Variants in SUSD4 observed in about 807,000 individuals in gnomAD.
The protein encoded by SUSD4 is sushi domain containing 4, also known as sushi domain-containing protein 4.
SUSD4 carries 41 observed loss-of-function variants against 50.5 expected under a neutral mutation model. The ratio of observed to expected loss-of-function variants is 0.81; its 90% CI spans 0.63 to 1.05. The LOEUF (loss-of-function observed/expected upper bound fraction) is 1.05, where lower values mean the gene tolerates loss of function less well. Among genes scored for constraint, SUSD4 ranks in the 50% least tolerant of loss-of-function variants. The probability of loss-of-function intolerance (pLI) is 0.00; values close to 1 mark genes in which losing one functional copy is unlikely to be tolerated. For missense variants in SUSD4, 580 were observed against 634.7 expected (o/e 0.91, Z 0.93); for synonymous variants, 257 against 257.3 (o/e 1.00, Z 0.01).
In SUSD4 at chr1:223,310,134, T is replaced by C. The variant is rs373619280; in HGVS notation, c.149-17483A>G. Among the ~76,000 whole-genome samples, 6 of 152,174 alleles carry C rather than the reference T, an allele frequency of 3.9e-5. No individual in the cohort carries two copies. In the South Asian group the frequency reaches 8.3e-4, roughly 21 times the overall value. ...CTGGAGGGCCATTTCTCTCCCTAAGTTGGACAGCCCTGGGACAGTGCCTTT... is the reference window on the plus strand; with the variant it reads ...CTGGAGGGCCATTTCTCTCCCTAAGCTGGACAGCCCTGGGACAGTGCCTTT... On this transcript the variant is annotated intron_variant, in intron 2 of 8. Coordinates refer to ENST00000366878, the MANE Select transcript of SUSD4 (RefSeq NM_017982.4).
chr1:223,342,330 G>A (rs1407550911), intron 2 of SUSD4, among the ~76,000 whole-genome samples: 1 of 152,156 alleles, frequency 6.6e-6, no homozygotes, highest in Non-Finnish European at 1.5e-5. Flanking sequence ...TAAAATAATG[G>A]AGAGGGTTGC....
At chr1:223,333,853 A>T (rs1667311845) in intron 2 of SUSD4, among the ~76,000 whole-genome samples, 1 of 152,108 alleles carries the variant, frequency 6.6e-6, no homozygotes. Context: ...GGACAGGTTC[A>T]CTCTGTGGAA....
chr1:223,284,672 A>C (rs979261010), intron 3 of SUSD4, among the ~76,000 whole-genome samples: 4 of 152,228 alleles, frequency 2.6e-5, no homozygotes, highest in African/African-American at 9.6e-5. Flanking sequence ...GATACTATTC[A>C]TCCATAAAAA....
At position 223,223,411 on chromosome 1, in the gene SUSD4, C is replaced by T. The variant is rs758545802; in HGVS notation, c.1282G>A (p.Glu428Lys). The change falls in exon 8 of 9, where the codon GAA becomes AAA. Residue 428 changes from glutamate (E) to lysine (K), a missense_variant. Transcript: ENST00000366878. ...GDTDTGPGES[E>K]TCDSVSGSSE... The stretch of plus-strand genomic sequence containing the variant: ...GAGCCTGAGACGCTGTCACAGGTTT[C>T]TGACTCCCCTGGGCCTGTGTCCGTG... 5 of 1,613,852 alleles carry T rather than the reference C, an allele frequency of 3.1e-6. No individual in the cohort carries two copies. Among genetic ancestry groups the T allele is most frequent in the Non-Finnish European group, 4.2e-6 (5 of 1,179,860 alleles).
At chr1:223,286,896 C>T (rs562110896) in intron 3 of SUSD4, among the ~76,000 whole-genome samples, 14 of 152,256 alleles carry the variant, frequency 9.2e-5, no homozygotes, top group African/African-American at 3.1e-4. Flanking sequence ...AGGTGAATCT[C>T]ATGAAGACAA....
At chr1:223,288,796 A>G (rs1190936983) in intron 3 of SUSD4, among the ~76,000 whole-genome samples, 2 of 152,114 alleles carry the variant, frequency 1.3e-5, no homozygotes, top group Admixed American at 6.6e-5. Flanking sequence ...TCTCTTTAAG[A>G]TGTTTACTTT....
chr1:223,301,508 G>A (rs979639355), intron 2 of SUSD4, among the ~76,000 whole-genome samples: 20 of 152,324 alleles, frequency 1.3e-4, no homozygotes, highest in South Asian at 6.2e-4. Flanking sequence ...AAAATAAAGA[G>A]AGAAGGATGT....
intron 2 of SUSD4, among the ~76,000 whole-genome samples, chr1:223,294,656 A>G (rs1234471984): frequency 6.6e-6 from 1 of 152,224 alleles, no homozygotes; most frequent in Non-Finnish European, 1.5e-5. Context: ...AGGAAGGAGG[A>G]GGGCACAGCA....
chr1:223,323,347 T>A (rs1572060757), intron 2 of SUSD4, among the ~76,000 whole-genome samples: 1 of 152,210 alleles, frequency 6.6e-6, no homozygotes, highest in Admixed American at 6.5e-5. Context: ...TATGGGTGCA[T>A]GAAACCAGCA....
At position 223,231,708 on chromosome 1, in the gene SUSD4, G is replaced by A. The variant is rs185070466; in HGVS notation, c.725-2320C>T. ...GAGATCCAGGGATGTGGCCGTAAGG[G>A]CTCTTCTCTCCTTGGAGGCCCTCCT... is the stretch of plus-strand genomic sequence containing the variant. On this transcript the variant is annotated intron_variant, in intron 5 of 8. Transcript: ENST00000366878. The surrounding 1 kb of genome is among the most constrained non-coding windows in gnomAD (Gnocchi z 4.2). Among the ~76,000 whole-genome samples the A allele has an allele frequency of 5.3e-4, 80 of 152,336 alleles. No individual in the cohort carries two copies. Among genetic ancestry groups the A allele is most frequent in the African/African-American group, 1.9e-3 (78 of 41,580 alleles).
At chr1:223,292,343 G>A (rs111726268) in intron 3 of SUSD4, 96 bp downstream of exon 3, 7 of 1,345,586 alleles carry the variant, frequency 5.2e-6, no homozygotes, top group African/African-American at 1.4e-5. Flanking sequence ...TCAGAGAGAA[G>A]AGCCCAGGGT....
intron 7 of SUSD4, among the ~76,000 whole-genome samples, chr1:223,224,861 CCTTTTT>C: frequency 8.8e-6 from 1 of 113,720 alleles, no homozygotes; most frequent in African/African-American, 3.3e-5. Flanking sequence ...TTGGTTTCTT[CCTTTTT>C]TTTTTTTTTT....
At chr1:223,361,605 A>T (rs1371758580) in intron 2 of SUSD4, among the ~76,000 whole-genome samples, 2 of 152,174 alleles carry the variant, frequency 1.3e-5, no homozygotes, top group Non-Finnish European at 2.9e-5. Context: ...CTCTGTAAAC[A>T]CGACCAAGCA....
intron 2 of SUSD4, among the ~76,000 whole-genome samples, chr1:223,340,404 G>T (rs930071096): frequency 6.6e-6 from 1 of 152,176 alleles, no homozygotes; most frequent in Non-Finnish European, 1.5e-5. Context: ...CCTCTGCTTG[G>T]GGTGCAGAGC....
chr1:223,259,003 C>T (rs1244919365), intron 5 of SUSD4, among the ~76,000 whole-genome samples: 1 of 152,154 alleles, frequency 6.6e-6, no homozygotes, highest in African/African-American at 2.4e-5. Context: ...ACGGGAGGCC[C>T]TGGATAACTT....
chr1:223,224,892 T>G (rs1294477980), intron 7 of SUSD4, among the ~76,000 whole-genome samples: 1 of 119,078 alleles, frequency 8.4e-6, no homozygotes, highest in Non-Finnish European at 1.7e-5. Flanking sequence ...TTTTTTGAGA[T>G]AGAGTCTCAC....
intron 2 of SUSD4, among the ~76,000 whole-genome samples, chr1:223,319,904 T>C (rs911327446): frequency 1.3e-5 from 2 of 152,168 alleles, no homozygotes; most frequent in African/African-American, 4.8e-5. Context: ...TCGAAGCCAA[T>C]CAGATCTGGG....
intron 5 of SUSD4, among the ~76,000 whole-genome samples, chr1:223,252,827 C>T (rs1380842904): frequency 4.0e-5 from 6 of 151,730 alleles, no homozygotes; most frequent in African/African-American, 1.5e-4. Context: ...AGGGGCCGGG[C>T]GCAGAGGCTC....
intron 2 of SUSD4, among the ~76,000 whole-genome samples, chr1:223,328,268 A>G (rs1469756147): frequency 1.3e-5 from 2 of 152,132 alleles, no homozygotes; most frequent in African/African-American, 4.8e-5. Flanking sequence ...AATCCTTCCT[A>G]TTCGGTCCTT....
Sources: gnomAD v4.1 joint callset for allele counts (sites outside exome capture counted in the v4.1 genomes callset) on GRCh38, gnomAD v4.1.1 for gene constraint, Gnocchi (gnomAD v3.1) non-coding constraint, MANE v1.5 for transcripts, NCBI Gene and HGNC (gene_info 2026-07-23, HGNC 2026-07-21) for gene names.